Variants in PM20D2 observed in about 807,000 individuals in gnomAD.
The protein encoded by PM20D2 is xaa-Arg dipeptidase.
A neutral mutation model predicts 42.9 loss-of-function variants in PM20D2; 33 were observed. The observed-to-expected ratio is 0.77, with a 90% CI of 0.58 to 1.03. PM20D2 has a LOEUF of 1.03. Ranked by LOEUF, PM20D2 falls within the 50% of genes least tolerant of loss-of-function variation. The probability of loss-of-function intolerance (pLI) is 0.00; values close to 1 mark genes in which losing one functional copy is unlikely to be tolerated. For missense variants in PM20D2, 548 were observed against 557.0 expected, an observed-to-expected ratio of 0.98 and a Z score of 0.16; for synonymous variants, 250 against 228.2, an observed-to-expected ratio of 1.10 and a Z score of -0.86.
At chr6:89,160,241 G>C in intron 5 of PM20D2, among the ~76,000 whole-genome samples, 1 of 152,128 alleles carries the variant, frequency 6.6e-6, no homozygotes, top group South Asian at 2.1e-4. Context: ...CTTCTATAGA[G>C]GCTACTATGC....
chr6:89,146,828 C>T (rs1316725125), intron 1 of PM20D2, among the ~76,000 whole-genome samples: 1 of 152,252 alleles, frequency 6.6e-6, no homozygotes, highest in Non-Finnish European at 1.5e-5. Flanking sequence ...CGACATCTTG[C>T]AGATTATTGT....
chr6:89,159,571 C>T (rs992574513), intron 5 of PM20D2, among the ~76,000 whole-genome samples: 2 of 152,138 alleles, frequency 1.3e-5, no homozygotes, highest in African/African-American at 4.8e-5. Context: ...GAAGACTATT[C>T]TTTTTCAAGA....
chr6:89,157,706 G>A (rs1182804543), intron 4 of PM20D2, among the ~76,000 whole-genome samples: 2 of 152,104 alleles, frequency 1.3e-5, no homozygotes, highest in Admixed American at 6.6e-5. Context: ...TTGAGGTGCT[G>A]GTTAAAATAA....
chr6:89,147,855 T>C (rs1270406401), intron 1 of PM20D2, among the ~76,000 whole-genome samples: 2 of 149,618 alleles, frequency 1.3e-5, no homozygotes, highest in African/African-American at 4.9e-5. Flanking sequence ...ATCGCGCCAC[T>C]GCACTCCATC....
At chr6:89,107,093 C>CAT in the PM20D2 span, 10 of 1,351,348 alleles carry the variant, frequency 7.4e-6, no homozygotes, top group Admixed American at 1.7e-5. Context: ...CTACTGAATA[C>CAT]ATATATGTAT....
chr6:89,131,944 C>T, the PM20D2 span, among the ~76,000 whole-genome samples: 1,086 of 152,224 alleles, frequency 7.1e-3, 9 homozygotes, highest in African/African-American at 0.024. Context: ...CTTTCACAAA[C>T]GCTGGTTGCA....
chr6:89,132,944 C>G, the PM20D2 span, among the ~76,000 whole-genome samples: 1,007 of 149,756 alleles, frequency 6.7e-3, 17 homozygotes, highest in Non-Finnish European at 0.011. Context: ...ACTTAATGGC[C>G]AGATGCGGCG....
the PM20D2 span, among the ~76,000 whole-genome samples, chr6:89,108,126 G>A: frequency 6.6e-6 from 1 of 152,046 alleles, no homozygotes; most frequent in Non-Finnish European, 1.5e-5. Context: ...CAGGTATTTC[G>A]AGCCTGCTTA....
At chr6:89,125,486 A>AC in the PM20D2 span, among the ~76,000 whole-genome samples, 1 of 151,672 alleles carries the variant, frequency 6.6e-6, no homozygotes, top group Non-Finnish European at 1.5e-5. Context: ...TCTCAAAAAA[A>AC]AAACCATTTC....
chr6:89,098,463 C>T, the PM20D2 span: 1 of 1,329,892 alleles, frequency 7.5e-7, no homozygotes, highest in Non-Finnish European at 1.0e-6. Context: ...TTCCATATGC[C>T]CAAAGTAACT....
the PM20D2 span, among the ~76,000 whole-genome samples, chr6:89,116,738 G>A: frequency 6.7e-6 from 1 of 149,574 alleles, no homozygotes; most frequent in Admixed American, 6.7e-5. Context: ...TCGGGCCATT[G>A]TACTCCAGCC....
chr6:89,104,044 C>G, the PM20D2 span, among the ~76,000 whole-genome samples: 244 of 127,142 alleles, frequency 1.9e-3, 1 homozygote, highest in African/African-American at 7.1e-3. Flanking sequence ...ACCATGTTGG[C>G]CAGGCTAGTC....
the PM20D2 span, chr6:89,098,894 A>G: frequency 1.2e-6 from 2 of 1,613,952 alleles, no homozygotes; most frequent in Non-Finnish European, 1.7e-6. Context: ...CCGCCTTGGT[A>G]ATGATTTGGA....
the PM20D2 span, chr6:89,099,039 A>T: frequency 2.2e-6 from 3 of 1,388,872 alleles, no homozygotes; most frequent in East Asian, 7.2e-5. Flanking sequence ...TTTACATAAC[A>T]TTAGTTATAT....
the PM20D2 span, among the ~76,000 whole-genome samples, chr6:89,131,957 G>A: frequency 2.6e-5 from 4 of 152,118 alleles, no homozygotes; most frequent in South Asian, 2.1e-4. Flanking sequence ...TGGTTGCACC[G>A]ATTCAACTTC....
chr6:89,150,885 G>A (rs1221297225), intron 2 of PM20D2, among the ~76,000 whole-genome samples: 2 of 151,368 alleles, frequency 1.3e-5, no homozygotes, highest in Non-Finnish European at 2.9e-5. Flanking sequence ...CAGGTGCAGT[G>A]GCTCACACCT....
chr6:89,153,120 C>T lies in PM20D2; in HGVS notation c.692C>T (p.Ala231Val). 6.2e-7 allele frequency: 1 copy of T among 1,612,348 alleles called. No homozygotes were observed. The highest frequency in any genetic ancestry group is 8.5e-7 in the Non-Finnish European group (1 of 1,179,024). ...PWEGLNALDA[A>V]VLAYNNLSVF... ...GAAGGATTAAATGCATTAGATGCTG[C>T]TGTGCTGGCCTATAACAATCTGTCT... Residue 231 changes from alanine (A) to valine (V), a missense_variant, in exon 3 of 7, where the codon GCT becomes GTT. Around this residue, in one of 3 missense-constraint regions of PM20D2, gnomAD observed 470 missense variants for 464.4 expected, o/e 1.01. Transcript: ENST00000275072.
chr6:89,152,936 G>T (rs1489640263), intron 2 of PM20D2, 107 bp from the exon 3 acceptor site: 1 of 840,548 alleles, frequency 1.2e-6, no homozygotes, highest in African/African-American at 1.7e-5. Flanking sequence ...CAAAAGTCCA[G>T]CAATGTGAAT....
chr6:89,140,778 A>C, the PM20D2 span, among the ~76,000 whole-genome samples: 1 of 152,176 alleles, frequency 6.6e-6, no homozygotes, highest in African/African-American at 2.4e-5. Context: ...TGCCAAGAGA[A>C]GGGAAGCCAA....
Sources: gnomAD v4.1 joint callset for allele counts (sites outside exome capture counted in the v4.1 genomes callset) on GRCh38, gnomAD v4.1.1 for gene constraint, gnomAD v4.1.1 regional missense constraint, MANE v1.5 for transcripts, NCBI Gene and HGNC (gene_info 2026-07-23, HGNC 2026-07-21) for gene names.